ARHGEF28: variants seen among roughly 807,000 people sequenced by gnomAD.
The protein encoded by ARHGEF28 is Rho guanine nucleotide exchange factor 28.
Under a neutral mutation model 206.6 loss-of-function variants are expected in ARHGEF28, and 152 were observed. The ratio of observed to expected loss-of-function variants is 0.74; its 90% CI spans 0.64 to 0.84. The LOEUF (loss-of-function observed/expected upper bound fraction) is 0.84, where lower values mean the gene tolerates loss of function less well. Ranked by LOEUF, ARHGEF28 falls within the 40% of genes least tolerant of loss-of-function variation. The pLI, the probability that ARHGEF28 is intolerant of heterozygous loss-of-function variation, is 0.00. For synonymous variants in ARHGEF28, 763 were observed against 776.4 expected (o/e 0.98, Z 0.29); for missense variants, 2,028 against 2,073.2 (o/e 0.98, Z 0.42).
chr5:73,635,164 A>G (rs1231677903), intron 1 of ARHGEF28, among the ~76,000 whole-genome samples: 2 of 152,144 alleles, frequency 1.3e-5, no homozygotes, highest in Non-Finnish European at 2.9e-5. Context: ...ACCAACATGG[A>G]TAAACCCCGT....
intron 1 of ARHGEF28, chr5:73,627,208 C>CCT (rs1465439539): frequency 6.6e-6 from 1 of 152,258 alleles, no homozygotes; most frequent in East Asian, 1.9e-4. Flanking sequence ...TTGACCCCTG[C>CCT]CTGGGTATCC....
chr5:73,681,819 A>T (rs1007874163), intron 1 of ARHGEF28, among the ~76,000 whole-genome samples: 22 of 152,108 alleles, frequency 1.4e-4, no homozygotes, highest in Admixed American at 1.3e-4. Context: ...TGTCTCAAAA[A>T]AAAAAATTGA....
intron 9 of ARHGEF28, among the ~76,000 whole-genome samples, chr5:73,798,454 T>C (rs1460222776): frequency 1.3e-5 from 2 of 152,176 alleles, no homozygotes; most frequent in African/African-American, 4.8e-5. Context: ...GAGTAACAAC[T>C]GGCAAGCTCA....
At chr5:73,678,973 A>G (rs1014355879) in intron 1 of ARHGEF28, among the ~76,000 whole-genome samples, 5 of 152,208 alleles carry the variant, frequency 3.3e-5, no homozygotes, top group Admixed American at 1.3e-4. Context: ...ACTGTAGCCT[A>G]CAACTCCTGG....
At chr5:73,675,456 G>A (rs1203141131) in intron 1 of ARHGEF28, among the ~76,000 whole-genome samples, 1 of 152,036 alleles carries the variant, frequency 6.6e-6, no homozygotes, top group African/African-American at 2.4e-5. Flanking sequence ...TAAGCAGCCG[G>A]GTGTGGTGGC....
intron 4 of ARHGEF28, among the ~76,000 whole-genome samples, chr5:73,757,969 C>G (rs1053214104): frequency 1.3e-5 from 2 of 152,124 alleles, no homozygotes; most frequent in Non-Finnish European, 2.9e-5. Flanking sequence ...ACTGGGATAA[C>G]ACATTCTAAT....
chr5:73,635,456 C>A (rs1372199570), intron 1 of ARHGEF28, among the ~76,000 whole-genome samples: 1 of 152,162 alleles, frequency 6.6e-6, no homozygotes, highest in Non-Finnish European at 1.5e-5. Flanking sequence ...TGAAAGTAAT[C>A]TCTTCATATC....
intron 29 of ARHGEF28, among the ~76,000 whole-genome samples, chr5:73,896,247 C>T (rs560076966): frequency 1.3e-5 from 2 of 152,172 alleles, no homozygotes; most frequent in East Asian, 3.9e-4. Context: ...TGGGGAGGAT[C>T]ATCTTGGGCA....
At chr5:73,924,957 A>G (rs1369662647) in intron 35 of ARHGEF28, among the ~76,000 whole-genome samples, 1 of 152,186 alleles carries the variant, frequency 6.6e-6, no homozygotes, top group Non-Finnish European at 1.5e-5. Context: ...ATACCCTTCA[A>G]AGACATTTTT....
chr5:73,897,562 G>A (rs932776598), intron 29 of ARHGEF28, among the ~76,000 whole-genome samples: 1 of 152,232 alleles, frequency 6.6e-6, no homozygotes, highest in African/African-American at 2.4e-5. Flanking sequence ...CTAACTGAAT[G>A]ACAGGAAGTT....
intron 1 of ARHGEF28, among the ~76,000 whole-genome samples, chr5:73,669,378 A>G (rs748067446): frequency 3.3e-5 from 5 of 152,228 alleles, no homozygotes; most frequent in Non-Finnish European, 7.3e-5. Flanking sequence ...TAATTGATGT[A>G]ATTGTAGACC....
At chr5:73,820,848 C>T (rs13359589) in intron 9 of ARHGEF28, among the ~76,000 whole-genome samples, 1,666 of 152,198 alleles carry the variant, frequency 0.011, 13 homozygotes, top group Non-Finnish European at 0.019. Context: ...CTGAGCCTGG[C>T]CCTGCTGCTT....
At position 73,938,160 on chromosome 5, in the gene ARHGEF28, CCACACACACACACA is replaced by C. The variant is rs199804024; in HGVS notation, c.4949-2657_4949-2644del. On this transcript the variant is annotated intron_variant, in intron 35 of 35. Transcript: ENST00000513042. ...GTTCTGATTAAACTTCTACACTACA[CCACACACACACACA>C]CACACACACACACACACACACACAC... 4.1e-4 allele frequency among the ~76,000 whole-genome samples: 57 copies of C among 139,636 alleles called. No individual in the cohort carries two copies. In the East Asian group the frequency reaches 9.1e-3, roughly 22 times the overall value. 91.6% of individuals were successfully genotyped at this position (139,636 alleles called of 152,430 possible).
At position 73,647,121 on chromosome 5, in the gene ARHGEF28, A is replaced by G. The variant is rs150458837; in HGVS notation, c.-12+20799A>G. ...TACAATCTGAAACTTTTTGAGGGCTAACATAATGCCACAAGAGGAAAATTC... is the reference window on the plus strand; with the variant it reads ...TACAATCTGAAACTTTTTGAGGGCTGACATAATGCCACAAGAGGAAAATTC... On this transcript the variant is annotated intron_variant, in intron 1 of 35. Transcript: ENST00000513042. Among the ~76,000 whole-genome samples, 212 of 152,358 alleles carry G rather than the reference A, an allele frequency of 1.4e-3. 1 individual carries two copies. The highest frequency in any genetic ancestry group is 4.9e-3 in the African/African-American group (204 of 41,596).
chr5:73,801,960 C>G (rs1448544358), intron 9 of ARHGEF28, among the ~76,000 whole-genome samples: 1 of 152,168 alleles, frequency 6.6e-6, no homozygotes, highest in East Asian at 1.9e-4. Context: ...GGTCAGAGAT[C>G]CCTGAGGGAG....
At chr5:73,811,134 G>A (rs1345623089) in intron 9 of ARHGEF28, among the ~76,000 whole-genome samples, 1 of 152,110 alleles carries the variant, frequency 6.6e-6, no homozygotes, top group Non-Finnish European at 1.5e-5. Flanking sequence ...AAAAATAACA[G>A]TATCTCCTGA....
chr5:73,687,861 C>T (rs1415766507), intron 2 of ARHGEF28, among the ~76,000 whole-genome samples: 1 of 152,016 alleles, frequency 6.6e-6, no homozygotes, highest in East Asian at 1.9e-4. Context: ...AGAGTTTTAT[C>T]TATATCTCTG....
intron 35 of ARHGEF28, among the ~76,000 whole-genome samples, chr5:73,919,738 T>C (rs1226027440): frequency 6.6e-6 from 1 of 152,242 alleles, no homozygotes; most frequent in Non-Finnish European, 1.5e-5. Flanking sequence ...TCTGTTCTAG[T>C]TTATCACCTT....
In ARHGEF28 at chr5:73,909,608, G is replaced by T. The variant is rs139349480; in HGVS notation, c.4358G>T (p.Arg1453Leu). 5.0e-4 allele frequency: 777 copies of T among 1,553,270 alleles called. 2 individuals are homozygous for T. The highest frequency in any genetic ancestry group is 2.9e-4 in the Admixed American group (15 of 51,202). The change falls in exon 34 of 36, where the codon CGC (arginine) becomes CTC (leucine). Residue 1453 changes from arginine (R) to leucine (L), a missense_variant. Physicochemically the swap from Arg to Leu is moderately radical, Grantham distance 102 (BLOSUM62 -2). Coordinates refer to ENST00000513042, the MANE Select transcript of ARHGEF28 (RefSeq NM_001177693.2). ...LQHQLQQEQRRWLRRCEQQQR... is the reference protein window; with the variant it reads ...LQHQLQQEQRLWLRRCEQQQR... ...CACCAGCTCCAGCAGGAGCAGCGGCGCTGGCTGCGCAGGTGTGAGCAGCAG... is the reference window on the plus strand; with the variant it reads ...CACCAGCTCCAGCAGGAGCAGCGGCTCTGGCTGCGCAGGTGTGAGCAGCAG...
Sources: gnomAD v4.1 joint callset for allele counts (sites outside exome capture counted in the v4.1 genomes callset) on GRCh38, gnomAD v4.1.1 for gene constraint, MANE v1.5 for transcripts, NCBI Gene and HGNC (gene_info 2026-07-23, HGNC 2026-07-21) for gene names.